COL28A1: variants seen among roughly 807,000 people sequenced by gnomAD.
COL28A1 encodes collagen type XXVIII alpha 1 chain.
A neutral mutation model predicts 150.2 loss-of-function variants in COL28A1; 161 were observed. The observed-to-expected ratio is 1.07, with a 90% CI of 0.94 to 1.22. The LOEUF is 1.22. COL28A1 is among the 50% of genes most tolerant of loss of function. COL28A1 has a pLI of 0.00. For synonymous variants in COL28A1, 552 were observed against 469.7 expected (o/e 1.18, Z -2.26); for missense variants, 1,617 against 1,388.3 (o/e 1.16, Z -2.62).
chr7:7,438,317 G>T (rs1038887946), intron 21 of COL28A1, among the ~76,000 whole-genome samples: 1 of 151,970 alleles, frequency 6.6e-6, no homozygotes, highest in African/African-American at 2.4e-5. Flanking sequence ...AACATTTAGT[G>T]GGGGAGATGT....
At chr7:7,430,804 T>C (rs559502432) in intron 25 of COL28A1, among the ~76,000 whole-genome samples, 51 of 152,296 alleles carry the variant, frequency 3.3e-4, no homozygotes, top group African/African-American at 1.2e-3. Context: ...GAAAAAAGAA[T>C]ACATCAGTAC....
intron 4 of COL28A1, among the ~76,000 whole-genome samples, chr7:7,523,459 T>G (rs1365252642): frequency 1.4e-5 from 2 of 144,718 alleles, no homozygotes; most frequent in Non-Finnish European, 3.0e-5. Flanking sequence ...TGCCTGGCCG[T>G]TTTTTTTTTC....
intron 23 of COL28A1, among the ~76,000 whole-genome samples, chr7:7,435,006 C>T (rs1317984232): frequency 1.3e-5 from 2 of 152,070 alleles, no homozygotes; most frequent in Non-Finnish European, 2.9e-5. Flanking sequence ...GTATGACCCT[C>T]CCAAAACTGA....
chr7:7,493,660 T>G (rs958798385), intron 11 of COL28A1, among the ~76,000 whole-genome samples: 3 of 152,144 alleles, frequency 2.0e-5, no homozygotes, highest in Admixed American at 1.3e-4. Context: ...GTTTATTCCC[T>G]TCCCATTTCC....
At chr7:7,542,396 T>C in the COL28A1 span, among the ~76,000 whole-genome samples, 5 of 152,138 alleles carry the variant, frequency 3.3e-5, no homozygotes, top group African/African-American at 1.2e-4. Context: ...GATTATGCAA[T>C]AGAGCAAATA....
rs1313938265 is a variant in COL28A1 at position 7,444,305 on chromosome 7, T to C, written c.1581+113A>G. 9 of 1,433,118 alleles carry C rather than the reference T, an allele frequency of 6.3e-6. No homozygotes were observed. In the African/African-American group the frequency reaches 1.1e-4, roughly 18 times the overall value. The allele number at this position is 1,433,118 out of a possible 1,614,324, so 88.8% of individuals were successfully genotyped here. ...GACATTTGGGATTGTGAGATATTTTTTCTTAAAGAAACTAAGTTTGTCCTG... is the reference window on the plus strand; with the variant it reads ...GACATTTGGGATTGTGAGATATTTTCTCTTAAAGAAACTAAGTTTGTCCTG... On this transcript the variant is annotated intron_variant, in intron 19 of 34. Coordinates refer to ENST00000399429, the MANE Select transcript of COL28A1 (RefSeq NM_001037763.3).
At chr7:7,539,264 G>T (rs1583600418), upstream of COL28A1, among the ~76,000 whole-genome samples, 1 of 152,298 alleles carries the variant, frequency 6.6e-6, no homozygotes, top group East Asian at 1.9e-4. Context: ...TTCTGGTGAG[G>T]GCCATTGACT....
At chr7:7,535,574 A>G (rs1365562714) in intron 1 of COL28A1, among the ~76,000 whole-genome samples, 176 bp downstream of exon 1, 1 of 152,194 alleles carries the variant, frequency 6.6e-6, no homozygotes, top group African/African-American at 2.4e-5. Flanking sequence ...TTAAATTTCT[A>G]CATTTTAACA....
intron 25 of COL28A1, chr7:7,420,366 A>G (rs1235101028): frequency 6.5e-6 from 1 of 153,136 alleles, no homozygotes; most frequent in East Asian, 1.9e-4. Flanking sequence ...CACCTCATTA[A>G]CTGGAACTGC....
At position 7,373,621 on chromosome 7, in the gene COL28A1, G is replaced by C; in HGVS notation, c.2360-75C>G. 1.6e-6 allele frequency: 2 copies of C among 1,215,236 alleles called. No homozygotes were observed. The highest frequency in any genetic ancestry group is 1.2e-6 in the Non-Finnish European group (1 of 855,546). 75.3% of individuals were successfully genotyped at this position (1,215,236 alleles called of 1,614,324 possible). ...GATTGTTGAGGGGAGGGGAGAAAAAGTCAATGATGAACCTGAGACCTAAAC... is the reference window on the plus strand; with the variant it reads ...GATTGTTGAGGGGAGGGGAGAAAAACTCAATGATGAACCTGAGACCTAAAC... On this transcript the variant is annotated intron_variant, in intron 31 of 34. Transcript: ENST00000399429. The surrounding 1 kb of genome is among the most constrained non-coding windows in gnomAD (Gnocchi z 4.1).
chr7:7,457,923 T>G (rs899771987), intron 15 of COL28A1, among the ~76,000 whole-genome samples: 2 of 152,228 alleles, frequency 1.3e-5, no homozygotes, highest in African/African-American at 4.8e-5. Context: ...AACAGTTGGA[T>G]AGCAGATACT....
intron 25 of COL28A1, among the ~76,000 whole-genome samples, chr7:7,426,353 T>G (rs1407456578): frequency 1.3e-5 from 2 of 152,204 alleles, no homozygotes; most frequent in African/African-American, 4.8e-5. Context: ...ATTCCACCTA[T>G]GTCATGTGTT....
chr7:7,392,984 G>A (rs563636858), intron 27 of COL28A1, among the ~76,000 whole-genome samples: 7 of 152,104 alleles, frequency 4.6e-5, no homozygotes, highest in Non-Finnish European at 1.0e-4. Context: ...CTGTCAATTC[G>A]TTAAATTCAT....
intron 27 of COL28A1, among the ~76,000 whole-genome samples, chr7:7,401,866 G>A (rs555564796): frequency 6.6e-6 from 1 of 152,168 alleles, no homozygotes; most frequent in South Asian, 2.1e-4. Flanking sequence ...AATTGTCACT[G>A]ACGTTCCTCA....
intron 15 of COL28A1, among the ~76,000 whole-genome samples, chr7:7,460,427 G>C (rs1340508735): frequency 6.6e-6 from 1 of 151,964 alleles, no homozygotes; most frequent in Non-Finnish European, 1.5e-5. Context: ...TGTCACCCAG[G>C]CTGGAGTGCA....
At position 7,516,600 on chromosome 7, in the gene COL28A1, C is replaced by G. The variant is rs532454498; in HGVS notation, c.856-760G>C. On this transcript the variant is annotated intron_variant, in intron 7 of 34. Transcript: ENST00000399429. ...TCCTCTTCAAATGGGATTTTTTTGTCTTTCATACAGCTATATTTTTCAAAT... is the reference window on the plus strand; with the variant it reads ...TCCTCTTCAAATGGGATTTTTTTGTGTTTCATACAGCTATATTTTTCAAAT... Among the ~76,000 whole-genome samples, 6 of 152,132 alleles carry G rather than the reference C, an allele frequency of 3.9e-5. No individual in the cohort carries two copies. The East Asian group carries it at 7.7e-4, about 20-fold the overall frequency.
chr7:7,346,353 AATT>A, the COL28A1 span, among the ~76,000 whole-genome samples: 1 of 152,076 alleles, frequency 6.6e-6, no homozygotes, highest in African/African-American at 2.4e-5. Context: ...AGAAGTCTCT[AATT>A]TTAAACAGAT....
In COL28A1 at chr7:7,518,729, T is replaced by C. The variant is rs139266067; in HGVS notation, c.814-892A>G. On this transcript the variant is annotated intron_variant, in intron 6 of 34. Transcript: ENST00000399429. ...GTTAATTGCTATAATGAAAGAAATG[T>C]TTTTAAACGTCAAAACACACACAAA... is the stretch of plus-strand genomic sequence containing the variant. 2.8e-3 allele frequency among the ~76,000 whole-genome samples: 427 copies of C among 152,280 alleles called. 2 individuals carry two copies. Among genetic ancestry groups the C allele is most frequent in the Non-Finnish European group, 4.5e-3 (304 of 68,004 alleles).
the COL28A1 span, among the ~76,000 whole-genome samples, chr7:7,542,946 G>A: frequency 7.9e-5 from 12 of 152,084 alleles, no homozygotes; most frequent in African/African-American, 2.9e-4. Flanking sequence ...AGAAATGAAG[G>A]AGAAAGATGG....
Sources: allele counts gnomAD v4.1 joint callset (sites outside exome capture counted in the v4.1 genomes callset), GRCh38; gene constraint gnomAD v4.1.1; non-coding constraint Gnocchi (gnomAD v3.1); transcripts MANE v1.5; gene names NCBI Gene and HGNC (gene_info 2026-07-23, HGNC 2026-07-21).